Variants in ROS1 observed in about 807,000 individuals in gnomAD.
ROS1 encodes the protein ROS proto-oncogene 1, receptor tyrosine kinase.
A neutral mutation model predicts 273.5 loss-of-function variants in ROS1; 263 were observed. The ratio of observed to expected loss-of-function variants is 0.96; its 90% CI spans 0.87 to 1.06. The LOEUF (loss-of-function observed/expected upper bound fraction) is 1.06, where lower values mean the gene tolerates loss of function less well. Ranked by LOEUF, ROS1 falls within the 50% of genes least tolerant of loss-of-function variation. The pLI, the probability that ROS1 is intolerant of heterozygous loss-of-function variation, is 0.00. For synonymous variants in ROS1, 1,008 were observed against 954.1 expected (o/e 1.06, Z -1.04); for missense variants, 2,833 against 2,751.1 (o/e 1.03, Z -0.67).
At chr6:117,415,611 G>A (rs1054916551) in intron 3 of ROS1, among the ~76,000 whole-genome samples, 1 of 152,136 alleles carries the variant, frequency 6.6e-6, no homozygotes, top group Non-Finnish European at 1.5e-5. Flanking sequence ...AAGTACCAAG[G>A]GGTTAAGTAC....
chr6:117,423,702 CTT>C (rs564177817), intron 1 of ROS1, among the ~76,000 whole-genome samples: 3 of 147,260 alleles, frequency 2.0e-5, no homozygotes, highest in African/African-American at 7.4e-5. Flanking sequence ...CTTGTGGTGA[CTT>C]TTTTTTTTTA....
intron 7 of ROS1, among the ~76,000 whole-genome samples, chr6:117,398,703 G>A (rs1210191812): frequency 6.4e-5 from 9 of 139,774 alleles, no homozygotes; most frequent in African/African-American, 2.0e-4. Context: ...AAAAACTCGC[G>A]GTGACTCATG....
At chr6:117,383,652 G>C (rs1772339395) in intron 16 of ROS1, 144 bp from the exon 17 acceptor site, 1 of 687,724 alleles carries the variant, frequency 1.5e-6, no homozygotes, top group South Asian at 1.8e-5. Flanking sequence ...GTGCTGGGTA[G>C]TGTAATAAGC....
intron 26 of ROS1, among the ~76,000 whole-genome samples, chr6:117,355,669 G>C (rs1292727492): frequency 6.6e-6 from 1 of 151,752 alleles, no homozygotes; most frequent in Admixed American, 6.6e-5. Context: ...GAGTACAGTG[G>C]CACCACCTTG....
intron 2 of ROS1, among the ~76,000 whole-genome samples, chr6:117,416,611 A>G (rs1775355130): frequency 6.6e-6 from 1 of 152,154 alleles, no homozygotes; most frequent in African/African-American, 2.4e-5. Context: ...TTCAGCGAAG[A>G]CACCGTACAC....
intron 14 of ROS1, among the ~76,000 whole-genome samples, chr6:117,387,365 A>T (rs973293553): frequency 6.6e-6 from 1 of 152,186 alleles, no homozygotes; most frequent in Non-Finnish European, 1.5e-5. Flanking sequence ...TAGTAATATG[A>T]ATGGTATAGT....
chr6:117,349,853 T>C (rs1186872732), intron 27 of ROS1, among the ~76,000 whole-genome samples: 1 of 152,042 alleles, frequency 6.6e-6, no homozygotes, highest in Non-Finnish European at 1.5e-5. Context: ...CAGTACCTTA[T>C]AATAACAAAA....
chr6:117,357,863 C>T lies in ROS1; in HGVS notation c.3780G>A (p.Glu1260=), dbSNP rs866824848. The T allele has an allele frequency of 2.5e-6, 4 of 1,613,498 alleles. No individual in the cohort carries two copies. In the East Asian group the frequency reaches 8.9e-5, roughly 36 times the overall value. Residue 1260 remains glutamate, a synonymous_variant, in exon 25 of 44, where the codon GAG becomes GAA. Coordinates refer to ENST00000368507, the MANE Select transcript of ROS1 (RefSeq NM_001378902.1). ...TTGAATTCCTATTGTGAATCTTCAC[C>T]TCTCTGGGATATTTCACCTTGTGTT... ...DLEHKVKYPR[E]VKIHNRNSTI... is the part of the protein sequence containing the mutation.
rs1358301021 is a variant in ROS1 at position 117,353,019 on chromosome 6, G to A, written c.4274C>T (p.Ala1425Val). The A allele has an allele frequency of 1.9e-6, 3 of 1,613,674 alleles. No homozygotes were observed. Among genetic ancestry groups the A allele is most frequent in the Non-Finnish European group, 2.5e-6 (3 of 1,179,956 alleles). Residue 1425 changes from alanine to valine, a missense_variant, in exon 27 of 44, where the codon GCT becomes GTT. Physicochemically the swap from Ala to Val is moderately conservative, Grantham distance 64. Transcript: ENST00000368507. ...VKALRSRHIL[A>V]YSSVMQPFPD... The stretch of plus-strand genomic sequence containing the variant: ...AAAAGGCTGCATAACTGAACTGTAA[G>A]CCAAGATATGCCTACTCCTTAGGGC...
At chr6:117,423,787 T>C (rs1329331955) in intron 1 of ROS1, among the ~76,000 whole-genome samples, 1 of 152,146 alleles carries the variant, frequency 6.6e-6, no homozygotes, top group East Asian at 1.9e-4. Flanking sequence ...GTCCATGTTT[T>C]TAAAAATGAT....
intron 42 of ROS1, among the ~76,000 whole-genome samples, chr6:117,303,196 T>G (rs1458498917): frequency 6.6e-6 from 1 of 152,194 alleles, no homozygotes; most frequent in Non-Finnish European, 1.5e-5. Flanking sequence ...TGGAGCTATA[T>G]GGCAGATCAG....
intron 42 of ROS1, among the ~76,000 whole-genome samples, chr6:117,304,258 C>T (rs903672729): frequency 2.0e-5 from 3 of 152,200 alleles, no homozygotes; most frequent in East Asian, 3.9e-4. Context: ...GATCATTAGC[C>T]TTTGAAATGA....
chr6:117,390,874 T>C (rs986979620), intron 12 of ROS1, among the ~76,000 whole-genome samples: 8 of 152,168 alleles, frequency 5.3e-5, no homozygotes, highest in African/African-American at 1.7e-4. Context: ...GAAAACATAC[T>C]GCCAAAATAT....
rs2128548756 is a variant in ROS1, at chr6:117,310,276, A to G, written c.6221T>C (p.Leu2074Pro). 2 of 1,603,812 alleles carry G rather than the reference A, an allele frequency of 1.2e-6. No homozygotes were observed. The highest frequency in any genetic ancestry group is 2.7e-5 in the African/African-American group (2 of 74,666). The change falls in exon 41 of 44, where the codon CTG (leucine) becomes CCG (proline). Residue 2074 changes from leucine to proline, a missense_variant. By Grantham distance (98) the Leu-to-Pro change is moderately conservative. Coordinates refer to ENST00000368507, the MANE Select transcript of ROS1 (RefSeq NM_001378902.1). ...LERMHFIHRD[L>P]AARNCLVSVK... ...GGAAACAAGGCAATTTCTAGCTGCC[A>G]GATCCCTGTGGCAGAAGTTATATTT...
chr6:117,404,562 A>G, intron 5 of ROS1, 134 bp from the exon 6 acceptor site: 1 of 689,958 alleles, frequency 1.4e-6, no homozygotes, highest in Non-Finnish European at 2.4e-6. Flanking sequence ...CACTTGAATA[A>G]TCAATGGTAT....
chr6:117,310,554 C>T (rs1031290734), intron 40 of ROS1, among the ~76,000 whole-genome samples: 8 of 151,916 alleles, frequency 5.3e-5, no homozygotes, highest in Non-Finnish European at 1.2e-4. Flanking sequence ...GCCCCCAACC[C>T]CAGACAGGCC....
rs569937984 is a variant in ROS1 at position 117,314,620 on chromosome 6, C to G, written c.6117+2523G>C. Among the ~76,000 whole-genome samples, 10 of 152,264 alleles carry G rather than the reference C, an allele frequency of 6.6e-5. No individual in the cohort carries two copies. The South Asian group carries it at 1.9e-3, about 28-fold the overall frequency. ...CTCCAAGTTCAGAGATACTACCAGT[C>G]ACACTGAGGCACTGTACTGAAATGC... On this transcript the variant is annotated intron_variant, in intron 39 of 43. Coordinates refer to ENST00000368507, the MANE Select transcript of ROS1 (RefSeq NM_001378902.1).
At chr6:117,379,679 C>T (rs528791637) in intron 17 of ROS1, among the ~76,000 whole-genome samples, 9 of 152,176 alleles carry the variant, frequency 5.9e-5, no homozygotes, top group African/African-American at 2.2e-4. Context: ...TCCCAGGCTG[C>T]ACTCTATTAA....
Position 117,404,286 on chromosome 6 carries a change from A to G in ROS1, c.459T>C (p.Tyr153=), listed in dbSNP as rs1582865569. ...CAAAGGCAGCCTTTCATACCTTAGT[A>G]TAAGTCCAGCTTCCCAGAAGTTGTG... The part of the protein sequence containing the change: ...KYAQLLGSWT[Y]TKTVSRPSYV... The change falls in exon 6 of 44, where the codon TAT becomes TAC. Residue 153 remains tyrosine, a synonymous_variant. Coordinates refer to ENST00000368507, the MANE Select transcript of ROS1 (RefSeq NM_001378902.1). 3 of 1,613,884 alleles carry G rather than the reference A, an allele frequency of 1.9e-6. No individual in the cohort carries two copies. The highest frequency in any genetic ancestry group is 1.7e-4 in the Middle Eastern group (1 of 6,060).
Sources: gnomAD v4.1 joint callset for allele counts (sites outside exome capture counted in the v4.1 genomes callset) on GRCh38, gnomAD v4.1.1 for gene constraint, MANE v1.5 for transcripts, NCBI Gene and HGNC (gene_info 2026-07-23, HGNC 2026-07-21) for gene names.